EDA: variants seen among roughly 807,000 people sequenced by gnomAD.
The protein encoded by EDA is ectodysplasin A, also known as ectodysplasin-A.
EDA carries 2 observed loss-of-function variants against 23.6 expected under a neutral mutation model. That is an observed-to-expected ratio of 0.08 (90% CI 0.03 to 0.27). The LOEUF (loss-of-function observed/expected upper bound fraction) is 0.27, where lower values mean the gene tolerates loss of function less well. EDA is among the 10% of genes least tolerant of loss of function. The pLI, the probability that EDA is intolerant of heterozygous loss-of-function variation, is 1.00. For synonymous variants in EDA, 131 were observed against 132.0 expected (o/e 0.99, Z 0.05); for missense variants, 229 against 324.2 (o/e 0.71, Z 2.26).
chrX:69,837,530 T>C (rs1180312685), intron 1 of EDA, among the ~76,000 whole-genome samples: 1 of 112,422 alleles, frequency 8.9e-6, no homozygotes, highest in African/African-American at 3.2e-5. Context: ...TTGCATATGA[T>C]TTTTTTGTTA....
chrX:69,698,972 G>C (rs748823286), intron 1 of EDA, among the ~76,000 whole-genome samples: 1 of 111,634 alleles, frequency 9.0e-6, no homozygotes, highest in Non-Finnish European at 1.9e-5. Flanking sequence ...TACAGACAAA[G>C]ACTAGAAGAT....
chrX:69,938,396 T>C (rs2018708491), intron 1 of EDA, among the ~76,000 whole-genome samples: 1 of 112,731 alleles, frequency 8.9e-6, no homozygotes, highest in Admixed American at 9.3e-5. Context: ...CTTTGCCATT[T>C]GTATGTCTTC....
At chrX:69,683,276 C>T (rs1168812976) in intron 1 of EDA, among the ~76,000 whole-genome samples, 1 of 111,231 alleles carries the variant, frequency 9.0e-6, no homozygotes, top group Non-Finnish European at 1.9e-5. Context: ...TTTTTATCTG[C>T]TTTGTTTACT....
Position 70,023,224 on chromosome X carries a change from T to C in EDA, c.509T>C (p.Val170Ala). 9.1e-7 allele frequency: 1 copy of C among 1,098,051 alleles called. No homozygotes were observed. Among genetic ancestry groups the C allele is most frequent in the Non-Finnish European group, 1.3e-6 (1 of 795,737 alleles). 90.5% of individuals were successfully genotyped at this position (1,098,051 alleles called of 1,213,427 possible). A position where few individuals can be genotyped will look rare whatever the true frequency, so the allele number is the denominator to read the frequency against. ...TATTTTATTTTTCTTATAGGCCCAG[T>C]TAAAAACAAGAAAAAGGGTAAGTTC... ...SKSNEGADGP[V>A]KNKKKGKKAG... The change falls in exon 3 of 8, where the codon GTT (valine) becomes GCT (alanine). Residue 170 changes from valine to alanine, a missense_variant. This residue lies in a region of EDA where 175 missense variants were observed against 281.8 expected (regional missense o/e 0.62). Transcript: ENST00000374552.
intron 1 of EDA, among the ~76,000 whole-genome samples, chrX:69,828,404 G>A (rs1044744772): frequency 1.6e-4 from 18 of 112,447 alleles, no homozygotes; most frequent in Non-Finnish European, 2.4e-4. Context: ...ATCTCCTGAT[G>A]CACCCTTTTT....
At chrX:69,873,704 A>G (rs1165439007) in intron 1 of EDA, among the ~76,000 whole-genome samples, 1 of 112,207 alleles carries the variant, frequency 8.9e-6, no homozygotes, top group African/African-American at 3.2e-5. Context: ...CCAACAAGCA[A>G]AGAATCCGGG....
chrX:69,750,850 G>A (rs1025800149), intron 1 of EDA, among the ~76,000 whole-genome samples: 1 of 111,680 alleles, frequency 9.0e-6, no homozygotes, highest in African/African-American at 3.3e-5. Flanking sequence ...CATATCCTTC[G>A]CCCACTTTTA....
intron 1 of EDA, among the ~76,000 whole-genome samples, chrX:69,663,259 A>C (rs145115644): frequency 8.9e-6 from 1 of 111,739 alleles, no homozygotes; most frequent in Non-Finnish European, 1.9e-5. Context: ...GCATAAGAGG[A>C]AAAATTGGTT....
intron 1 of EDA, among the ~76,000 whole-genome samples, chrX:69,879,633 AACAC>A (rs919266447): frequency 4.5e-5 from 5 of 112,133 alleles, no homozygotes; most frequent in African/African-American, 1.6e-4. Context: ...GAACCAAAAA[AACAC>A]ACAGAGTGTT....
intron 1 of EDA, among the ~76,000 whole-genome samples, chrX:69,839,185 C>T (rs1372811382): frequency 8.9e-6 from 1 of 111,831 alleles, no homozygotes; most frequent in East Asian, 2.8e-4. Flanking sequence ...GAGATTAGGT[C>T]CAAATGGCTT....
intron 1 of EDA, among the ~76,000 whole-genome samples, chrX:69,620,022 G>A (rs1316245219): frequency 9.0e-6 from 1 of 111,659 alleles, no homozygotes; most frequent in East Asian, 2.8e-4. Context: ...TGATCAAAAG[G>A]ATGAAGGGAT....
intron 1 of EDA, among the ~76,000 whole-genome samples, chrX:69,853,216 G>A (rs2017171744): frequency 9.0e-6 from 1 of 111,459 alleles, no homozygotes; most frequent in Admixed American, 9.6e-5. Flanking sequence ...AAATGTGACA[G>A]GCAAATTTGA....
At chrX:69,827,959 G>A (rs951379854) in intron 1 of EDA, among the ~76,000 whole-genome samples, 21 of 110,905 alleles carry the variant, frequency 1.9e-4, no homozygotes, top group East Asian at 5.7e-4. Flanking sequence ...GTTCCTGGCC[G>A]TGTGAGGTGT....
chrX:69,828,657 T>G (rs1177676289), intron 1 of EDA, among the ~76,000 whole-genome samples: 2 of 112,369 alleles, frequency 1.8e-5, no homozygotes, highest in African/African-American at 6.5e-5. Context: ...GAAATCACCT[T>G]TCTTCTGCGT....
intron 1 of EDA, among the ~76,000 whole-genome samples, chrX:69,899,685 A>G (rs2018070943): frequency 9.0e-6 from 1 of 111,473 alleles, no homozygotes; most frequent in Admixed American, 9.7e-5. Context: ...ATATCACTTT[A>G]CATTCTCCAA....
intron 1 of EDA, among the ~76,000 whole-genome samples, chrX:69,843,409 C>T (rs2016935257): frequency 8.9e-6 from 1 of 111,847 alleles, no homozygotes; most frequent in African/African-American, 3.2e-5. Flanking sequence ...ACGGTCACAT[C>T]AGTATGGTAC....
At position 70,037,345 on chromosome X, in the gene EDA, C is replaced by T. The variant is rs2020280420; in HGVS notation, c.*1736C>T. 8.9e-6 allele frequency: 1 copy of T among 111,905 alleles called. No homozygotes were observed. The highest frequency in any genetic ancestry group is 3.3e-5 in the African/African-American group (1 of 30,761). 9.2% of individuals were successfully genotyped at this position (111,905 alleles called of 1,213,427 possible). A position where few individuals can be genotyped will look rare whatever the true frequency, so the allele number is the denominator to read the frequency against. ...TCCGTTGTCTGGTTGCTAATGACAG[C>T]CTTGCAACCCAAGGTGAGGTGAACT... On this transcript the variant is annotated 3_prime_UTR_variant, in exon 8 of 8. Transcript: ENST00000374552.
chrX:69,884,641 T>G (rs2147623859), intron 1 of EDA, among the ~76,000 whole-genome samples: 1 of 112,305 alleles, frequency 8.9e-6, no homozygotes, highest in South Asian at 3.7e-4. Context: ...TTTATCCAGG[T>G]TGTAGTGTTA....
intron 2 of EDA, among the ~76,000 whole-genome samples, chrX:70,005,482 C>A (rs908774154): frequency 5.0e-4 from 56 of 110,999 alleles, no homozygotes; most frequent in African/African-American, 1.8e-3. Context: ...ACAGCCCTTG[C>A]CCTCAAGGAG....
Sources: gnomAD v4.1 joint callset for allele counts (sites outside exome capture counted in the v4.1 genomes callset) on GRCh38, gnomAD v4.1.1 for gene constraint, gnomAD v4.1.1 regional missense constraint, MANE v1.5 for transcripts, NCBI Gene and HGNC (gene_info 2026-07-23, HGNC 2026-07-21) for gene names.